STPG2: variants seen among roughly 807,000 people sequenced by gnomAD.
STPG2 encodes the protein sperm-tail PG-rich repeat-containing protein 2.
STPG2 carries 56 observed loss-of-function variants against 54.2 expected under a neutral mutation model. The observed-to-expected ratio is 1.03, with a 90% confidence interval of 0.83 to 1.29. STPG2 has a LOEUF of 1.29. Among genes scored for constraint, STPG2 ranks in the 50% most tolerant of loss-of-function variants. The probability of loss-of-function intolerance (pLI) is 0.00; values close to 1 mark genes in which losing one functional copy is unlikely to be tolerated. For missense variants in STPG2, 596 were observed against 544.9 expected (o/e 1.09, Z -0.93); for synonymous variants, 200 against 181.8 (o/e 1.10, Z -0.81).
downstream of STPG2, among the ~76,000 whole-genome samples, chr4:97,556,657 A>G (rs17026796): frequency 0.035 from 5,370 of 152,288 alleles, 315 homozygotes; most frequent in African/African-American, 0.12. Context: ...TGAAGATTTT[A>G]CTGCATTAAA....
intron 10 of STPG2, among the ~76,000 whole-genome samples, chr4:97,579,771 T>C (rs1003875614): frequency 3.9e-5 from 6 of 152,062 alleles, no homozygotes; most frequent in African/African-American, 1.2e-4. Context: ...TTTTCTCTCA[T>C]TTAATCAGAT....
At chr4:97,867,300 T>C (rs529030702) in intron 8 of STPG2, among the ~76,000 whole-genome samples, 1 of 151,968 alleles carries the variant, frequency 6.6e-6, no homozygotes. Context: ...TTTTTACTTA[T>C]CTTTGTTGGA....
rs1340702122 is a variant in STPG2 at position 97,510,924 on chromosome 4, T to C, written c.462+201775A>G. On this transcript the variant is annotated intron_variant, in intron 4 of 4. Coordinates refer to the STPG2 transcript ENST00000522676. ...TTGAGGCTGTACATCGCTGTGATAA[T>C]GCCACTGCACTATAGCTTGGGCAAC... is the stretch of plus-strand genomic sequence containing the variant. Among the ~76,000 whole-genome samples, 4 of 152,200 alleles carry C rather than the reference T, an allele frequency of 2.6e-5. No homozygotes were observed. The East Asian group carries it at 7.7e-4, about 29-fold the overall frequency.
chr4:97,742,760 G>A (rs1325080525), intron 9 of STPG2, among the ~76,000 whole-genome samples: 2 of 151,494 alleles, frequency 1.3e-5, no homozygotes, highest in African/African-American at 4.8e-5. Context: ...CCTGAGATAT[G>A]GGTACAGATG....
chr4:97,487,481 T>C (rs986682261), intron 4 of STPG2, among the ~76,000 whole-genome samples: 1 of 151,638 alleles, frequency 6.6e-6, no homozygotes, highest in African/African-American at 2.4e-5. Flanking sequence ...TTTATGTCTA[T>C]TGAAGAAATG....
At chr4:97,945,621 C>T (rs991869937) in intron 7 of STPG2, among the ~76,000 whole-genome samples, 2 of 152,068 alleles carry the variant, frequency 1.3e-5, no homozygotes, top group African/African-American at 4.8e-5. Context: ...TTTTAGTTAT[C>T]TAAGAAATCT....
intron 9 of STPG2, among the ~76,000 whole-genome samples, chr4:97,782,719 T>C (rs1204705209): frequency 6.6e-6 from 1 of 152,124 alleles, no homozygotes; most frequent in East Asian, 1.9e-4. Context: ...ATGGTACTGG[T>C]ACCAAAACAC....
At chr4:97,693,499 A>C (rs1723447759) in intron 10 of STPG2, among the ~76,000 whole-genome samples, 1 of 152,170 alleles carries the variant, frequency 6.6e-6, no homozygotes, top group Admixed American at 6.5e-5. Flanking sequence ...TCCTAAATAT[A>C]TATGCACTAA....
intron 8 of STPG2, among the ~76,000 whole-genome samples, chr4:97,905,543 A>C (rs1191471375): frequency 6.6e-6 from 1 of 152,166 alleles, no homozygotes; most frequent in Non-Finnish European, 1.5e-5. Flanking sequence ...AAGAAACTGC[A>C]TCAACTAACG....
At chr4:97,940,606 A>C (rs1208478246) in intron 8 of STPG2, among the ~76,000 whole-genome samples, 1 of 152,100 alleles carries the variant, frequency 6.6e-6, no homozygotes, top group Non-Finnish European at 1.5e-5. Flanking sequence ...TAATACTTGC[A>C]ATTCCATTGT....
chr4:97,848,497 T>C (rs1246924275), intron 8 of STPG2, among the ~76,000 whole-genome samples: 1 of 152,118 alleles, frequency 6.6e-6, no homozygotes, highest in Admixed American at 6.6e-5. Context: ...ACAAGCTCCA[T>C]AATATCATCA....
rs574502406 is a variant in STPG2, at chr4:97,824,347, T to C, written c.1204+16426A>G. Among the ~76,000 whole-genome samples, 5 of 152,306 alleles carry C rather than the reference T, an allele frequency of 3.3e-5. No individual in the cohort carries two copies. The South Asian group carries it at 8.3e-4, about 25-fold the overall frequency. On this transcript the variant is annotated intron_variant, in intron 9 of 10. Coordinates refer to ENST00000295268, the MANE Select transcript of STPG2 (RefSeq NM_174952.3). Reference sequence around the variant, plus strand: ...TACCATTCATTCAAAGTTGAATGAATGAACTTTGAAAATCATTCAAAATTG... The same window carrying C: ...TACCATTCATTCAAAGTTGAATGAACGAACTTTGAAAATCATTCAAAATTG...
intron 5 of STPG2, among the ~76,000 whole-genome samples, chr4:98,093,731 A>C (rs1419967212): frequency 1.3e-5 from 2 of 152,214 alleles, no homozygotes; most frequent in Non-Finnish European, 2.9e-5. Context: ...AGACAGAATC[A>C]GTACATTTTG....
chr4:97,789,796 C>A (rs1000392855), intron 9 of STPG2, among the ~76,000 whole-genome samples: 2 of 152,148 alleles, frequency 1.3e-5, no homozygotes, highest in African/African-American at 4.8e-5. Context: ...CGTCAGCCAA[C>A]TTACTGTACA....
intron 9 of STPG2, among the ~76,000 whole-genome samples, chr4:97,783,073 C>G (rs565551403): frequency 1.7e-4 from 26 of 152,226 alleles, no homozygotes; most frequent in African/African-American, 6.3e-4. Context: ...AGCCAAAATT[C>G]ACAAATTGGA....
At chr4:97,922,226 G>C (rs1268543202) in intron 8 of STPG2, among the ~76,000 whole-genome samples, 4 of 151,938 alleles carry the variant, frequency 2.6e-5, no homozygotes, top group African/African-American at 4.8e-5. Context: ...TCATTTTACA[G>C]GGAATACATA....
chr4:97,905,542 C>T (rs998646503), intron 8 of STPG2, among the ~76,000 whole-genome samples: 2 of 151,870 alleles, frequency 1.3e-5, no homozygotes, highest in African/African-American at 4.8e-5. Context: ...GAAGAAACTG[C>T]ATCAACTAAC....
At chr4:98,011,178 T>C (rs954632538) in intron 5 of STPG2, among the ~76,000 whole-genome samples, 7 of 152,300 alleles carry the variant, frequency 4.6e-5, no homozygotes, top group Admixed American at 4.6e-4. Context: ...TTCTCATTGT[T>C]CAACTCCTGT....
chr4:98,041,985 T>G (rs540184159), intron 5 of STPG2, among the ~76,000 whole-genome samples: 1 of 151,936 alleles, frequency 6.6e-6, no homozygotes, highest in South Asian at 2.1e-4. Context: ...TCTTAGGAGA[T>G]TTTTTATTAC....
Sources: gnomAD v4.1 joint callset for allele counts (sites outside exome capture counted in the v4.1 genomes callset) on GRCh38, gnomAD v4.1.1 for gene constraint, MANE v1.5 for transcripts, NCBI Gene and HGNC (gene_info 2026-07-23, HGNC 2026-07-21) for gene names.